TMEM132B: variants seen among roughly 807,000 people sequenced by gnomAD.
TMEM132B encodes transmembrane protein 132B.
Under a neutral mutation model 90.8 loss-of-function variants are expected in TMEM132B, and 18 were observed. The observed-to-expected ratio is 0.20, with a 90% CI of 0.14 to 0.29. The LOEUF is 0.29. Among genes scored for constraint, TMEM132B ranks in the 10% least tolerant of loss-of-function variants. The pLI, the probability that TMEM132B is intolerant of heterozygous loss-of-function variation, is 1.00. For synonymous variants in TMEM132B, 504 were observed against 523.3 expected, an observed-to-expected ratio of 0.96 and a Z score of 0.50; for missense variants, 1,096 against 1,326.8, an observed-to-expected ratio of 0.83 and a Z score of 2.70.
chr12:125,633,540 C>A (rs763395402), intron 5 of TMEM132B, among the ~76,000 whole-genome samples: 2 of 152,164 alleles, frequency 1.3e-5, no homozygotes, highest in Non-Finnish European at 2.9e-5. Context: ...GTCTTTACTG[C>A]CTGGGCATGT....
At chr12:125,364,505 T>C (rs976105100) in intron 2 of TMEM132B, among the ~76,000 whole-genome samples, 10 of 152,156 alleles carry the variant, frequency 6.6e-5, no homozygotes. Context: ...CACTTCCTTA[T>C]AAATAGCTTA....
intron 7 of TMEM132B, among the ~76,000 whole-genome samples, chr12:125,652,026 G>A (rs1017366631): frequency 2.6e-5 from 4 of 152,172 alleles, no homozygotes; most frequent in African/African-American, 7.2e-5. Flanking sequence ...CTGCTTTTAA[G>A]GACTCATGTG....
At chr12:125,238,377 C>CAA (rs1207886157) in intron 1 of TMEM132B, among the ~76,000 whole-genome samples, 28 of 129,542 alleles carry the variant, frequency 2.2e-4, no homozygotes, top group African/African-American at 7.4e-4. Context: ...AAAAAAAAAA[C>CAA]AAAAAAAAAC....
intron 1 of TMEM132B, among the ~76,000 whole-genome samples, chr12:125,223,384 G>A (rs1020676563): frequency 6.6e-5 from 10 of 152,182 alleles, no homozygotes; most frequent in Non-Finnish European, 1.5e-5. Flanking sequence ...TCTAAGGATT[G>A]ACCTGTAGTT....
chr12:125,205,547 A>T (rs1873161407), intron 1 of TMEM132B, among the ~76,000 whole-genome samples: 2 of 152,204 alleles, frequency 1.3e-5, no homozygotes, highest in Admixed American at 1.3e-4. Context: ...GCATCTCATG[A>T]ATCCTTTCAG....
intron 2 of TMEM132B, among the ~76,000 whole-genome samples, chr12:125,405,297 C>A (rs996583953): frequency 6.6e-6 from 1 of 152,162 alleles, no homozygotes; most frequent in Non-Finnish European, 1.5e-5. Context: ...GACTTCACAT[C>A]GCTGCCTTCT....
chr12:125,268,180 C>T lies in TMEM132B; in HGVS notation c.68-81272C>T, dbSNP rs79963343. On this transcript the variant is annotated intron_variant, in intron 1 of 8. Transcript: ENST00000682704. ...GCAGAGCTCAGGGATCTATCAACTT[C>T]ATAAATGAGGAAATTGGGACTCGGC... 3.0e-3 allele frequency among the ~76,000 whole-genome samples: 456 copies of T among 152,370 alleles called. 4 individuals are homozygous for T. The highest frequency in any genetic ancestry group is 0.011 in the African/African-American group (438 of 41,594).
intron 3 of TMEM132B, among the ~76,000 whole-genome samples, chr12:125,519,120 A>T (rs1883239302): frequency 6.6e-6 from 1 of 152,166 alleles, no homozygotes; most frequent in African/African-American, 2.4e-5. Flanking sequence ...GGACTGTGGC[A>T]TGCCCGTGCC....
chr12:125,647,385 A>G (rs1213651338), intron 6 of TMEM132B, among the ~76,000 whole-genome samples: 1 of 152,244 alleles, frequency 6.6e-6, no homozygotes, highest in African/African-American at 2.4e-5. Flanking sequence ...AAACATGATA[A>G]ACCCAAAGAA....
At chr12:125,190,597 G>A (rs1483878311) in intron 1 of TMEM132B, among the ~76,000 whole-genome samples, 1 of 113,572 alleles carries the variant, frequency 8.8e-6, no homozygotes, top group Non-Finnish European at 1.8e-5. Flanking sequence ...GGTGATGATG[G>A]GGAAGGGGTG....
chr12:125,486,610 G>A (rs1402353010), intron 3 of TMEM132B, among the ~76,000 whole-genome samples: 1 of 152,158 alleles, frequency 6.6e-6, no homozygotes, highest in Non-Finnish European at 1.5e-5. Context: ...GCAAGGCTGT[G>A]ACAATTACTT....
At chr12:125,537,073 CTGGTATCCT>C (rs1404726957) in intron 4 of TMEM132B, among the ~76,000 whole-genome samples, 4 of 152,080 alleles carry the variant, frequency 2.6e-5, no homozygotes, top group Non-Finnish European at 4.4e-5. Flanking sequence ...CCAGCTGTCC[CTGGTATCCT>C]TGAGGGATTG....
intron 3 of TMEM132B, among the ~76,000 whole-genome samples, chr12:125,438,423 C>T (rs3843672): frequency 0.18 from 27,995 of 152,110 alleles, 3,015 homozygotes; most frequent in African/African-American, 0.31. Flanking sequence ...CATGCAGGTG[C>T]GTGGTATGGC....
intron 2 of TMEM132B, among the ~76,000 whole-genome samples, chr12:125,386,618 C>G (rs1386888548): frequency 1.3e-5 from 2 of 152,148 alleles, no homozygotes; most frequent in Admixed American, 6.5e-5. Context: ...GGAGGCAAGA[C>G]AAGGAGTGAG....
At chr12:125,606,073 A>G (rs559100896) in intron 5 of TMEM132B, among the ~76,000 whole-genome samples, 10 of 152,318 alleles carry the variant, frequency 6.6e-5, no homozygotes, top group African/African-American at 2.4e-4. Flanking sequence ...TATGTCGTAT[A>G]TTTTGCTGAA....
chr12:125,191,318 C>T (rs1263047692), intron 1 of TMEM132B, among the ~76,000 whole-genome samples: 1 of 152,022 alleles, frequency 6.6e-6, no homozygotes, highest in African/African-American at 2.4e-5. Context: ...CCTTTCCCTG[C>T]ATGAACTTGA....
intron 1 of TMEM132B, among the ~76,000 whole-genome samples, chr12:125,250,482 T>A (rs1396363380): frequency 6.6e-6 from 1 of 152,122 alleles, no homozygotes; most frequent in Non-Finnish European, 1.5e-5. Flanking sequence ...CCTCATCGTG[T>A]CCCCTTCCCC....
chr12:125,252,612 C>A (rs973111697), intron 1 of TMEM132B, among the ~76,000 whole-genome samples: 1 of 152,202 alleles, frequency 6.6e-6, no homozygotes, highest in Admixed American at 6.5e-5. Context: ...CCCGGAACCC[C>A]TAGAAGGTGT....
chr12:125,227,682 T>C (rs1873713962), intron 1 of TMEM132B, among the ~76,000 whole-genome samples: 1 of 152,158 alleles, frequency 6.6e-6, no homozygotes. Context: ...CAAGGCAGAT[T>C]CAGCATGCTC....
Sources: allele counts gnomAD v4.1 joint callset (sites outside exome capture counted in the v4.1 genomes callset), GRCh38; gene constraint gnomAD v4.1.1; transcripts MANE v1.5; gene names NCBI Gene and HGNC (gene_info 2026-07-23, HGNC 2026-07-21).